Variants in EPCAM observed in about 807,000 individuals in gnomAD.
The protein encoded by EPCAM is adenocarcinoma-associated antigen.
In EPCAM, 39 loss-of-function variants were observed where a neutral mutation model predicts 40.0. The observed-to-expected ratio is 0.98, with a 90% confidence interval of 0.76 to 1.27. The LOEUF is 1.27. EPCAM is among the 50% of genes most tolerant of loss of function. EPCAM has a pLI of 0.00. For missense variants in EPCAM, 503 were observed against 381.2 expected (o/e 1.32, Z -2.66); for synonymous variants, 168 against 132.3 (o/e 1.27, Z -1.85).
intron 1 of EPCAM, among the ~76,000 whole-genome samples, chr2:47,371,745 T>A (rs1671276126): frequency 6.6e-6 from 1 of 152,160 alleles, no homozygotes; most frequent in Non-Finnish European, 1.5e-5. Flanking sequence ...TGCAGAAGAT[T>A]TAAACGCTTG....
intron 1 of EPCAM, 40 bp from the exon 2 acceptor site, chr2:47,373,422 AG>A: frequency 8.0e-7 from 1 of 1,252,056 alleles, no homozygotes; most frequent in South Asian, 1.2e-5. Flanking sequence ...GAGAGTTAAT[AG>A]ATCCACATTT....
intron 4 of EPCAM, among the ~76,000 whole-genome samples, chr2:47,376,172 C>T (rs1671418146): frequency 6.6e-6 from 1 of 151,532 alleles, no homozygotes; most frequent in Admixed American, 6.6e-5. Flanking sequence ...CTTTGTCTTC[C>T]ATGAACTTGC....
At position 47,369,381 on chromosome 2, in the gene EPCAM, C is replaced by A. The variant is rs991444746; in HGVS notation, c.-125C>A. On this transcript the variant is annotated 5_prime_UTR_variant, in exon 1 of 9. Coordinates refer to ENST00000263735, the MANE Select transcript of EPCAM (RefSeq NM_002354.3). ...GGGGACCCCCTCGTCGCTGTCCTCC[C>A]GACGCGGACCCGCGTGCCCCAGGCC... 46 of 1,193,622 alleles carry A rather than the reference C, an allele frequency of 3.9e-5. 1 individual carries two copies. The South Asian group carries it at 8.9e-4, about 23-fold the overall frequency. The allele number at this position is 1,193,622 out of a possible 1,614,324, so 73.9% of individuals were successfully genotyped here.
At position 47,377,239 on chromosome 2, in the gene EPCAM, G is replaced by T. The variant is rs56109850; in HGVS notation, c.555+162G>T. On this transcript the variant is annotated intron_variant, in intron 5 of 8. Transcript: ENST00000263735. ...GAATTTCCTGTTACTGTTTTTTTTT[G>T]TTTGTTTGTTTCTTTAAGACAGACT... Among the ~76,000 whole-genome samples the T allele has an allele frequency of 0.021, 3,210 of 151,248 alleles. 133 individuals are homozygous for T. The highest frequency in any genetic ancestry group is 0.075 in the African/African-American group (3,073 of 41,244).
chr2:47,369,455 C>G lies in EPCAM; in HGVS notation c.-51C>G, dbSNP rs1471753462. On this transcript the variant is annotated 5_prime_UTR_variant, in exon 1 of 9. Coordinates refer to ENST00000263735, the MANE Select transcript of EPCAM (RefSeq NM_002354.3). ...GTGTCCCACTCCCGGCGCACGCCCT[C>G]CCGCGAGTCCCGGGCCCCTCCCGCG... 3.6e-6 allele frequency: 5 copies of G among 1,370,578 alleles called. No individual in the cohort carries two copies. The East Asian group carries it at 1.2e-4, about 32-fold the overall frequency. The allele number at this position is 1,370,578 out of a possible 1,614,324, so 84.9% of individuals were successfully genotyped here.
rs780325571 is a variant in EPCAM at position 47,385,218 on chromosome 2, G to A, written c.903+8G>A. ...AAGTATGAGAAGGCTGAGGTAAATG[G>A]ATTACTTACCTAAATAGAAAGGCCC... On this transcript the variant is annotated splice_region_variant and intron_variant, in intron 8 of 8. Transcript: ENST00000263735. 6.8e-6 allele frequency: 11 copies of A among 1,607,726 alleles called. No individual in the cohort carries two copies. The South Asian group carries it at 8.8e-5, about 13-fold the overall frequency.
intron 5 of EPCAM, 152 bp downstream of exon 5, chr2:47,377,229 G>GT (rs200587697): frequency 2.0e-3 from 1,326 of 655,180 alleles, no homozygotes; most frequent in African/African-American, 2.8e-3. Flanking sequence ...TCCTGTTACT[G>GT]TTTTTTTTTG....
intron 1 of EPCAM, among the ~76,000 whole-genome samples, chr2:47,371,349 T>A (rs554179775): frequency 6.7e-6 from 1 of 149,712 alleles, no homozygotes; most frequent in Non-Finnish European, 1.5e-5. Flanking sequence ...CGTCCTCCAT[T>A]TCCCAGGCTC....
At chr2:47,380,117 AC>A in intron 7 of EPCAM, 148 bp downstream of exon 7, 1 of 1,346,672 alleles carries the variant, frequency 7.4e-7, no homozygotes, top group Non-Finnish European at 1.0e-6. Context: ...GGAGTTTGAG[AC>A]CACACTGGGC....
chr2:47,373,066 A>G (rs1396820806), intron 1 of EPCAM, among the ~76,000 whole-genome samples: 1 of 150,100 alleles, frequency 6.7e-6, no homozygotes, highest in Non-Finnish European at 1.5e-5. Flanking sequence ...TTAGCCAGGC[A>G]TGGTGGTGCA....
intron 1 of EPCAM, among the ~76,000 whole-genome samples, chr2:47,372,628 C>A (rs961741020): frequency 6.6e-6 from 1 of 152,030 alleles, no homozygotes; most frequent in African/African-American, 2.4e-5. Flanking sequence ...AAAAATTAGC[C>A]AGGTGTGGTG....
At position 47,376,069 on chromosome 2, in the gene EPCAM, C is replaced by G. The variant is rs77117319; in HGVS notation, c.491+770C>G. The stretch of plus-strand genomic sequence containing the variant: ...ATATTGTCCTTTGTAGTAATTTTTC[C>G]CCTCTGATTCAGGACCCAGTCCAAG... On this transcript the variant is annotated intron_variant, in intron 4 of 8. Transcript: ENST00000263735. Among the ~76,000 whole-genome samples, 1,473 of 152,038 alleles carry G rather than the reference C, an allele frequency of 9.7e-3. 28 individuals carry two copies. The highest frequency in any genetic ancestry group is 0.032 in the African/African-American group (1,322 of 41,472).
intron 7 of EPCAM, among the ~76,000 whole-genome samples, chr2:47,380,891 C>G (rs541798375): frequency 6.6e-6 from 1 of 151,616 alleles, no homozygotes; most frequent in Admixed American, 6.6e-5. Context: ...AAGTTCGAGA[C>G]CAGCCTGGCC....
intron 8 of EPCAM, among the ~76,000 whole-genome samples, chr2:47,386,113 C>CT (rs1171656063): frequency 1.3e-5 from 2 of 152,156 alleles, no homozygotes; most frequent in African/African-American, 4.8e-5. Context: ...TGGTCCCATG[C>CT]TTGCCACATA....
intron 3 of EPCAM, 135 bp downstream of exon 3, chr2:47,374,183 C>A (rs1671362098): frequency 9.7e-7 from 1 of 1,027,426 alleles, no homozygotes; most frequent in South Asian, 1.4e-5. Flanking sequence ...GCTTCCTTCT[C>A]ATTCCAGTCC....
Position 47,378,938 on chromosome 2 carries a change from A to T in EPCAM, c.556-15A>T. 9.0e-7 allele frequency: 1 copy of T among 1,117,230 alleles called. No homozygotes were observed. The highest frequency in any genetic ancestry group is 1.5e-5 in the African/African-American group (1 of 65,476). 69.2% of individuals were successfully genotyped at this position (1,117,230 alleles called of 1,614,324 possible). A position where few individuals can be genotyped will look rare whatever the true frequency, so the allele number is the denominator to read the frequency against. Reference sequence around the variant, plus strand: ...ATATTAGTATTAATTTGTATTATTCAATTTTTTTCCCCAGTATGAGAATAA... The same window carrying T: ...ATATTAGTATTAATTTGTATTATTCTATTTTTTTCCCCAGTATGAGAATAA... On this transcript the variant is annotated splice_polypyrimidine_tract_variant and intron_variant, in intron 5 of 8. Coordinates refer to ENST00000263735, the MANE Select transcript of EPCAM (RefSeq NM_002354.3).
intron 8 of EPCAM, among the ~76,000 whole-genome samples, chr2:47,386,368 T>G (rs1326139449): frequency 6.6e-6 from 1 of 152,240 alleles, no homozygotes; most frequent in Non-Finnish European, 1.5e-5. Flanking sequence ...GGCGATCTTG[T>G]CTCTAAATAG....
rs1671683969 is a variant in EPCAM, at chr2:47,384,476, C to A, written c.859-690C>A. 2.7e-5 allele frequency among the ~76,000 whole-genome samples: 4 copies of A among 149,602 alleles called. No homozygotes were observed. In the Admixed American group the frequency reaches 2.7e-4, roughly 10 times the overall value. On this transcript the variant is annotated intron_variant, in intron 7 of 8. Transcript: ENST00000263735. ...TCGCCCAGGCTGGAGTGCAATGGCG[C>A]CATCTCGGCTCACTGCAACCTCTGC...
In EPCAM at chr2:47,370,767, G is replaced by A. The variant is rs1439197016; in HGVS notation, c.76+1186G>A. On this transcript the variant is annotated intron_variant, in intron 1 of 8. Transcript: ENST00000263735. ...ATTTTTGAGACAGAGTTTCGCTCTTGTTGCCCAGGCTGGAGTACAACGGCG... is the reference window on the plus strand; with the variant it reads ...ATTTTTGAGACAGAGTTTCGCTCTTATTGCCCAGGCTGGAGTACAACGGCG... Among the ~76,000 whole-genome samples, 4 of 151,962 alleles carry A rather than the reference G, an allele frequency of 2.6e-5. No homozygotes were observed. The South Asian group carries it at 6.2e-4, about 24-fold the overall frequency.
Sources: allele counts gnomAD v4.1 joint callset (sites outside exome capture counted in the v4.1 genomes callset), GRCh38; gene constraint gnomAD v4.1.1; transcripts MANE v1.5; gene names NCBI Gene and HGNC (gene_info 2026-07-23, HGNC 2026-07-21).